ZNF83: variants seen among roughly 807,000 people sequenced by gnomAD.
The protein encoded by ZNF83 is zinc finger protein 816B.
For synonymous variants in ZNF83, 209 were observed against 213.0 expected (o/e 0.98, Z 0.17); for missense variants, 552 against 629.9 (o/e 0.88, Z 1.32).
Position 52,687,386 on chromosome 19 carries a change from T to G in ZNF83, c.-283+3057A>C, listed in dbSNP as rs867505585. Among the ~76,000 whole-genome samples, 3 of 36,640 alleles carry G rather than the reference T, an allele frequency of 8.2e-5. No individual in the cohort carries two copies. In the African/African-American group the frequency reaches 1.0e-3, roughly 13 times the overall value. The allele number at this position is 36,640 out of a possible 152,430, so 24.0% of individuals were successfully genotyped here. On this transcript the variant is annotated intron_variant, in intron 1 of 5. Transcript: ENST00000594682. Reference sequence around the variant, plus strand: ...ATTATAATATAAATTATAATTTATATATATATAATTTATATAGCTATATAA... The same window carrying G: ...ATTATAATATAAATTATAATTTATAGATATATAATTTATATAGCTATATAA...
At chr19:52,612,945 A>G (rs972726171) in exon 3 of ZNF83, 8 of 1,357,548 alleles carry the variant, frequency 5.9e-6, no homozygotes, top group Non-Finnish European at 8.0e-6. Flanking sequence ...TATACTTGCA[A>G]AGTTTTTCTC....
chr19:52,620,270 C>CTCTGTGTGTGTGTGTG (rs1555780636), intron 2 of ZNF83, among the ~76,000 whole-genome samples: 13 of 144,522 alleles, frequency 9.0e-5, no homozygotes, highest in Admixed American at 2.1e-4. Context: ...GTGTATATCT[C>CTCTGTGTGTGTGTGTG]TGTGTGTGTG....
upstream of ZNF83, among the ~76,000 whole-genome samples, chr19:52,638,682 A>G (rs560324418): frequency 5.3e-5 from 8 of 152,380 alleles, no homozygotes; most frequent in South Asian, 1.7e-3. Flanking sequence ...GATAGCCCAC[A>G]GAACCGAATA....
chr19:52,646,244 C>G (rs1309335243), intron 3 of ZNF83, among the ~76,000 whole-genome samples: 2 of 152,046 alleles, frequency 1.3e-5, no homozygotes, highest in Non-Finnish European at 2.9e-5. Context: ...TTTGATATTC[C>G]TTTAAAAAAT....
intron 3 of ZNF83, among the ~76,000 whole-genome samples, chr19:52,645,395 A>G (rs1280204739): frequency 4.6e-5 from 7 of 152,236 alleles, no homozygotes; most frequent in Non-Finnish European, 8.8e-5. Flanking sequence ...TCTGGGGTCA[A>G]CAGGAAAATA....
chr19:52,680,705 C>T (rs1003031086), intron 1 of ZNF83, among the ~76,000 whole-genome samples: 10 of 141,084 alleles, frequency 7.1e-5, no homozygotes, highest in Admixed American at 1.4e-4. Flanking sequence ...CTCCGCCTCC[C>T]GGGTTCACGC....
chr19:52,641,290 TCTATCTGACAGACTGAGCGTCTGC>T, upstream of ZNF83, among the ~76,000 whole-genome samples: 1 of 152,178 alleles, frequency 6.6e-6, no homozygotes, highest in Non-Finnish European at 1.5e-5. Context: ...TGGTAATGTA[TCTATCTGACAGACTGAGCGTCTGC>T]CTCAAGAACA....
chr19:52,661,703 G>A (rs2061582586), intron 1 of ZNF83, among the ~76,000 whole-genome samples: 2 of 152,152 alleles, frequency 1.3e-5, no homozygotes, highest in African/African-American at 4.8e-5. Flanking sequence ...CTCTCCCCTT[G>A]GGGACTTGTT....
intron 3 of ZNF83, chr19:52,653,252 G>A: frequency 6.6e-7 from 1 of 1,518,646 alleles, no homozygotes. Flanking sequence ...CCAGTATGAA[G>A]CCTATAATGA....
exon 3 of ZNF83, chr19:52,614,737 TCTC>T (rs2060246359): frequency 2.3e-6 from 3 of 1,318,388 alleles, no homozygotes; most frequent in Non-Finnish European, 2.9e-6. Flanking sequence ...CTGGAATATT[TCTC>T]CTGTATTACT....
At chr19:52,618,963 C>G (rs780855085) in intron 2 of ZNF83, 2 of 1,537,558 alleles carry the variant, frequency 1.3e-6, no homozygotes, top group Admixed American at 3.4e-5. Context: ...CTATAATTCT[C>G]CAACATCACA....
chr19:52,631,773 C>T (rs2060971994), intron 2 of ZNF83, among the ~76,000 whole-genome samples: 1 of 152,206 alleles, frequency 6.6e-6, no homozygotes, highest in African/African-American at 2.4e-5. Context: ...TTCCACCAGG[C>T]CTAATCGCCA....
chr19:52,628,954 C>T (rs894553808), intron 2 of ZNF83, among the ~76,000 whole-genome samples: 2 of 152,020 alleles, frequency 1.3e-5, no homozygotes, highest in African/African-American at 4.8e-5. Context: ...TCCCACTTTT[C>T]TGGAGGTAAG....
At chr19:52,643,204 A>T (rs1282926633), upstream of ZNF83, among the ~76,000 whole-genome samples, 3 of 151,948 alleles carry the variant, frequency 2.0e-5, no homozygotes, top group Admixed American at 1.3e-4. Context: ...AAAATACAAA[A>T]ATTAGCCAGC....
At chr19:52,663,443 A>T (rs1333777163) in intron 1 of ZNF83, among the ~76,000 whole-genome samples, 11 of 152,236 alleles carry the variant, frequency 7.2e-5, no homozygotes. Flanking sequence ...AATCCAGCCC[A>T]TCCTTCAACA....
chr19:52,688,588 CCTCT>C lies in ZNF83; in HGVS notation c.-283+1851_-283+1854del, dbSNP rs2062087519. Among the ~76,000 whole-genome samples, 4 of 151,546 alleles carry C rather than the reference CCTCT, an allele frequency of 2.6e-5. No individual in the cohort carries two copies. In the South Asian group the frequency reaches 8.4e-4, roughly 32 times the overall value. On this transcript the variant is annotated intron_variant, in intron 1 of 5. Transcript: ENST00000594682. ...CCGGGGTTCTGCTCCTCATTTTGTA[CCTCT>C]CTCCTCTCCTGCTGTTTATCCCCTT...
intron 2 of ZNF83, among the ~76,000 whole-genome samples, chr19:52,659,079 T>A (rs2147272701): frequency 6.6e-6 from 1 of 152,152 alleles, no homozygotes; most frequent in South Asian, 2.1e-4. Flanking sequence ...TGGGCCAGGG[T>A]CCGTGGGCAG....
chr19:52,620,290 G>A (rs1043642466), intron 2 of ZNF83, among the ~76,000 whole-genome samples: 1 of 146,936 alleles, frequency 6.8e-6, no homozygotes, highest in Non-Finnish European at 1.5e-5. Context: ...GTGTGTGTGT[G>A]TGTATATATA....
At chr19:52,648,818 G>C (rs754640463) in intron 3 of ZNF83, among the ~76,000 whole-genome samples, 1 of 152,118 alleles carries the variant, frequency 6.6e-6, no homozygotes, top group South Asian at 2.1e-4. Flanking sequence ...TAGTCACTAC[G>C]GAGTCTGACC....
Sources: allele counts gnomAD v4.1 joint callset (sites outside exome capture counted in the v4.1 genomes callset), GRCh38; gene constraint gnomAD v4.1.1; transcripts MANE v1.5; gene names NCBI Gene and HGNC (gene_info 2026-07-23, HGNC 2026-07-21).